The following TSHZ2 variants were observed in gnomAD, a reference collection of about 807,000 sequenced individuals.
TSHZ2 encodes the protein teashirt homolog 2.
In TSHZ2, 21 loss-of-function variants were observed where a neutral mutation model predicts 74.4. The ratio of observed to expected loss-of-function variants is 0.28; its 90% confidence interval spans 0.20 to 0.41. TSHZ2 has a LOEUF of 0.41. TSHZ2 is among the 10% of genes least tolerant of loss of function. TSHZ2 has a pLI of 1.00. For synonymous variants in TSHZ2, 540 were observed against 515.3 expected, an observed-to-expected ratio of 1.05 and a Z score of -0.65; for missense variants, 1,244 against 1,293.5, an observed-to-expected ratio of 0.96 and a Z score of 0.59.
intron 1 of TSHZ2, among the ~76,000 whole-genome samples, chr20:53,196,897 C>T (rs1432603403): frequency 6.6e-6 from 1 of 152,232 alleles, no homozygotes; most frequent in Non-Finnish European, 1.5e-5. Flanking sequence ...TGGCTGGAAG[C>T]CAGGAATATG....
At chr20:53,460,290 G>A (rs1200658903) in intron 2 of TSHZ2, among the ~76,000 whole-genome samples, 41 of 151,382 alleles carry the variant, frequency 2.7e-4, no homozygotes, top group East Asian at 1.9e-4. Context: ...TTCCCTTCTC[G>A]CTTCATTTCA....
intron 2 of TSHZ2, among the ~76,000 whole-genome samples, chr20:53,456,662 G>C (rs1364463304): frequency 3.9e-4 from 50 of 129,320 alleles, no homozygotes; most frequent in African/African-American, 1.3e-3. Context: ...TAAAGCCTAG[G>C]TTTTCTTCTA....
At chr20:53,002,994 A>G (rs769943083) in intron 1 of TSHZ2, among the ~76,000 whole-genome samples, 60 of 152,224 alleles carry the variant, frequency 3.9e-4, no homozygotes, top group Non-Finnish European at 4.4e-4. Context: ...ATGACTTCAT[A>G]ATGTAATGGA....
chr20:53,344,149 C>T (rs999839897), intron 2 of TSHZ2, among the ~76,000 whole-genome samples: 9 of 152,136 alleles, frequency 5.9e-5, no homozygotes, highest in Non-Finnish European at 8.8e-5. Flanking sequence ...AGGCTGCCTC[C>T]AAGCTTCCAG....
Position 53,451,209 on chromosome 20 carries a change from T to A in TSHZ2, c.*9-35935T>A, listed in dbSNP as rs547105477. The stretch of plus-strand genomic sequence containing the variant: ...ATGATGATTCTTCTGTAGGACGAAA[T>A]AATGTAATTTTTTCAGTTTCTGGTT... On this transcript the variant is annotated intron_variant, in intron 2 of 2. Coordinates refer to ENST00000371497, the MANE Select transcript of TSHZ2 (RefSeq NM_173485.6). Among the ~76,000 whole-genome samples the A allele has an allele frequency of 3.9e-5, 6 of 152,316 alleles. 1 individual carries two copies. In the South Asian group the frequency reaches 1.2e-3, roughly 32 times the overall value.
intron 2 of TSHZ2, among the ~76,000 whole-genome samples, chr20:53,368,340 C>G (rs1275152661): frequency 2.0e-5 from 3 of 151,998 alleles, no homozygotes; most frequent in Non-Finnish European, 4.4e-5. Flanking sequence ...TACGGAAGCT[C>G]CCCCTGTCAC....
chr20:53,017,957 T>C (rs1235918224), intron 1 of TSHZ2, among the ~76,000 whole-genome samples: 2 of 152,190 alleles, frequency 1.3e-5, no homozygotes, highest in Non-Finnish European at 2.9e-5. Context: ...TACAATAAAA[T>C]CATGGAACTT....
At chr20:53,105,856 G>A (rs1347782395) in intron 1 of TSHZ2, among the ~76,000 whole-genome samples, 1 of 152,016 alleles carries the variant, frequency 6.6e-6, no homozygotes, top group African/African-American at 2.4e-5. Flanking sequence ...CATGTTGCAC[G>A]GGCTGGTCTC....
chr20:53,418,748 A>T (rs1436704960), intron 2 of TSHZ2, among the ~76,000 whole-genome samples: 4 of 152,106 alleles, frequency 2.6e-5, no homozygotes, highest in Non-Finnish European at 5.9e-5. Context: ...TCCATGCCAA[A>T]AGTTAGAGAC....
chr20:53,412,700 G>C lies in TSHZ2; in HGVS notation c.*9-74444G>C, dbSNP rs1983096448. 2.0e-5 allele frequency: 3 copies of C among 152,374 alleles called. No individual in the cohort carries two copies. In the South Asian group the frequency reaches 6.2e-4, roughly 32 times the overall value. 9.4% of individuals were successfully genotyped at this position (152,374 alleles called of 1,614,324 possible). ...GGGTCCACCTTCAGCCCCTGACTAA[G>C]GGACAGCCTCATTAAACACGCCTCA... is the stretch of plus-strand genomic sequence containing the variant. On this transcript the variant is annotated intron_variant, in intron 2 of 2. Transcript: ENST00000371497.
At chr20:53,225,295 C>T (rs1485287814) in intron 1 of TSHZ2, among the ~76,000 whole-genome samples, 1 of 152,236 alleles carries the variant, frequency 6.6e-6, no homozygotes, top group Non-Finnish European at 1.5e-5. Context: ...CATTAGGAAG[C>T]CAACCAGAGG....
At chr20:53,175,673 A>T (rs1304825972) in intron 1 of TSHZ2, among the ~76,000 whole-genome samples, 1 of 152,208 alleles carries the variant, frequency 6.6e-6, no homozygotes, top group Non-Finnish European at 1.5e-5. Flanking sequence ...GGGGTAGGGC[A>T]GATAGTGGCT....
At chr20:53,469,838 A>G (rs1248976228) in intron 2 of TSHZ2, among the ~76,000 whole-genome samples, 5 of 90,858 alleles carry the variant, frequency 5.5e-5, no homozygotes, top group African/African-American at 1.2e-4. Flanking sequence ...GAGAGGGAGG[A>G]AGGGAGGGAG....
At chr20:53,463,380 G>GGA (rs1288549583) in intron 2 of TSHZ2, among the ~76,000 whole-genome samples, 21 of 68,630 alleles carry the variant, frequency 3.1e-4, no homozygotes, top group Admixed American at 2.4e-3. Context: ...CAGAGAGAGA[G>GGA]AGGAAGGAAG....
chr20:53,213,450 G>T (rs942245366), intron 1 of TSHZ2, among the ~76,000 whole-genome samples: 39 of 152,210 alleles, frequency 2.6e-4, no homozygotes, highest in African/African-American at 9.4e-4. Context: ...GCCTGAACTG[G>T]GCTGACTGCA....
intron 1 of TSHZ2, among the ~76,000 whole-genome samples, chr20:53,141,331 T>C (rs923634265): frequency 6.6e-6 from 1 of 152,202 alleles, no homozygotes; most frequent in Non-Finnish European, 1.5e-5. Flanking sequence ...TATCCTTCCA[T>C]CACTTCCTCA....
intron 1 of TSHZ2, among the ~76,000 whole-genome samples, chr20:53,006,270 T>C (rs1982641037): frequency 6.6e-6 from 1 of 152,124 alleles, no homozygotes; most frequent in South Asian, 2.1e-4. Flanking sequence ...ATTGCAAGAG[T>C]AGTTATTAAA....
At chr20:53,436,464 G>A (rs2145744305) in intron 2 of TSHZ2, among the ~76,000 whole-genome samples, 1 of 151,804 alleles carries the variant, frequency 6.6e-6, no homozygotes, top group East Asian at 1.9e-4. Context: ...ATCTGAAGCC[G>A]TGGACGACGT....
In TSHZ2 at chr20:53,022,730, G is replaced by T. The variant is rs1274193809; in HGVS notation, c.40+49397G>T. Among the ~76,000 whole-genome samples the T allele has an allele frequency of 2.6e-5, 4 of 152,134 alleles. No individual in the cohort carries two copies. In the East Asian group the frequency reaches 7.7e-4, roughly 29 times the overall value. ...TTTACGTGTAATCGTGTCTCTAATT[G>T]TATATACATCTAATTGTACATACAT... On this transcript the variant is annotated intron_variant, in intron 1 of 2. Transcript: ENST00000371497.
Sources: allele counts gnomAD v4.1 joint callset (sites outside exome capture counted in the v4.1 genomes callset), GRCh38; gene constraint gnomAD v4.1.1; transcripts MANE v1.5; gene names NCBI Gene and HGNC (gene_info 2026-07-23, HGNC 2026-07-21).